Variants in ICE1 observed in about 807,000 individuals in gnomAD.
ICE1 encodes the protein interactor of little elongation complex ELL subunit 1.
A neutral mutation model predicts 192.7 loss-of-function variants in ICE1; 64 were observed. The ratio of observed to expected loss-of-function variants is 0.33; its 90% confidence interval spans 0.27 to 0.41. The LOEUF (loss-of-function observed/expected upper bound fraction) is 0.41. Among genes scored for constraint, ICE1 ranks in the 10% least tolerant of loss-of-function variants. The pLI is 1.00. For synonymous variants in ICE1, 1,010 were observed against 984.5 expected, an observed-to-expected ratio of 1.03 and a Z score of -0.49; for missense variants, 2,708 against 2,696.0, an observed-to-expected ratio of 1.00 and a Z score of -0.10.
Position 5,446,472 on chromosome 5 carries a change from G to A in ICE1, c.425-955G>A, listed in dbSNP as rs1738227270. On this transcript the variant is annotated intron_variant, in intron 7 of 18. Coordinates refer to ENST00000296564, the MANE Select transcript of ICE1 (RefSeq NM_015325.3). ...ACCCGACTAATTTCGACTAATTTTT[G>A]TAGAGACAGAGTTCCACTATGTTGC... Among the ~76,000 whole-genome samples, 3 of 149,598 alleles carry A rather than the reference G, an allele frequency of 2.0e-5. No homozygotes were observed. In the South Asian group the frequency reaches 6.4e-4, roughly 32 times the overall value.
At chr5:5,457,280 A>C in intron 11 of ICE1, 52 bp from the exon 12 acceptor site, 5 of 1,417,374 alleles carry the variant, frequency 3.5e-6, no homozygotes, top group Non-Finnish European at 4.7e-6. Context: ...TTTTTTTTTA[A>C]GTTTTCTTGA....
chr5:5,424,216 C>G (rs1048302357), intron 1 of ICE1, among the ~76,000 whole-genome samples: 2 of 152,122 alleles, frequency 1.3e-5, no homozygotes. Flanking sequence ...TGCCGAGAAA[C>G]TTGGTTTGCA....
intron 1 of ICE1, among the ~76,000 whole-genome samples, chr5:5,423,713 A>G (rs1372810081): frequency 6.6e-6 from 1 of 152,116 alleles, no homozygotes; most frequent in African/African-American, 2.4e-5. Flanking sequence ...CTCATTTCCC[A>G]CGACTCTCCT....
Position 5,460,701 on chromosome 5 carries a change from A to G in ICE1, c.1367A>G (p.His456Arg), listed in dbSNP as rs761745700. The G allele has an allele frequency of 4.3e-6, 7 of 1,613,732 alleles. No homozygotes were observed. The highest frequency in any genetic ancestry group is 1.1e-5 in the South Asian group (1 of 91,076). ...TATLRESSAT[H>R]SLVGEKHWTT... ...ACACTGAGAGAATCTTCTGCCACAC[A>G]CTCCTTAGTTGGTGAAAAACACTGG... The change falls in exon 13 of 19, where the codon CAC becomes CGC. Residue 456 changes from histidine (H) to arginine (R), a missense_variant. Around this residue, in one of 2 missense-constraint regions of ICE1, gnomAD observed 2,366 missense variants for 2,276.6 expected, o/e 1.04. Transcript: ENST00000296564.
chr5:5,422,989 C>T lies in ICE1; in HGVS notation c.74C>T (p.Ser25Phe), dbSNP rs879741432. Reference sequence around the variant, plus strand: ...CTGTCGCGATGTCAGGGCTGCGCCTCTCTGCAGCAGGTGCAGCACCTCCCG... The same window carrying T: ...CTGTCGCGATGTCAGGGCTGCGCCTTTCTGCAGCAGGTGCAGCACCTCCCG... The part of the protein sequence containing the change: ...ADLSRCQGCA[S>F]LQQNLNEYVE... The change falls in exon 1 of 19, where the codon TCT becomes TTT. Residue 25 changes from serine to phenylalanine, a missense_variant. Coordinates refer to ENST00000296564, the MANE Select transcript of ICE1 (RefSeq NM_015325.3). 4.1e-6 allele frequency: 6 copies of T among 1,446,392 alleles called. No individual in the cohort carries two copies. The highest frequency in any genetic ancestry group is 4.8e-5 in the Admixed American group (2 of 41,494). 89.6% of individuals were successfully genotyped at this position (1,446,392 alleles called of 1,614,324 possible).
intron 10 of ICE1, among the ~76,000 whole-genome samples, chr5:5,448,338 G>A (rs1303592381): frequency 6.6e-6 from 1 of 152,058 alleles, no homozygotes; most frequent in East Asian, 1.9e-4. Flanking sequence ...AAAAGTTTAG[G>A]GAAGGCCCAC....
intron 17 of ICE1, among the ~76,000 whole-genome samples, chr5:5,482,984 C>G (rs1561101446): frequency 4.0e-5 from 6 of 151,890 alleles, no homozygotes. Flanking sequence ...AAGGAATTGT[C>G]TTTATTCTTT....
At chr5:5,480,052 A>T (rs969291881) in intron 17 of ICE1, among the ~76,000 whole-genome samples, 1 of 152,160 alleles carries the variant, frequency 6.6e-6, no homozygotes, top group Non-Finnish European at 1.5e-5. Flanking sequence ...CCTATGTAAC[A>T]AACCTGTACG....
At chr5:5,468,535 A>G (rs1739059426) in intron 14 of ICE1, among the ~76,000 whole-genome samples, 1 of 152,278 alleles carries the variant, frequency 6.6e-6, no homozygotes, top group African/African-American at 2.4e-5. Flanking sequence ...AATGTAATGC[A>G]TAAAAACCTA....
At chr5:5,478,188 C>G (rs1739394846) in intron 17 of ICE1, among the ~76,000 whole-genome samples, 1 of 152,210 alleles carries the variant, frequency 6.6e-6, no homozygotes, top group South Asian at 2.1e-4. Context: ...TTGCAGATGA[C>G]ATGATTGTAT....
intron 15 of ICE1, 62 bp from the exon 16 acceptor site, chr5:5,473,496 C>G (rs1256753698): frequency 7.2e-7 from 1 of 1,392,956 alleles, no homozygotes; most frequent in Non-Finnish European, 9.8e-7. Context: ...TTTTAGATAA[C>G]TAAGGTAAGA....
intron 3 of ICE1, chr5:5,437,722 A>T (rs1361423593): frequency 6.6e-6 from 1 of 152,282 alleles, no homozygotes; most frequent in Non-Finnish European, 1.5e-5. Context: ...TAGCAGTGGG[A>T]AAAAGATGTG....
intron 4 of ICE1, among the ~76,000 whole-genome samples, chr5:5,440,563 C>T (rs1738013453): frequency 6.6e-6 from 1 of 152,078 alleles, no homozygotes; most frequent in Admixed American, 6.5e-5. Flanking sequence ...ATGGCTCATG[C>T]CCATAATCCC....
At chr5:5,450,650 A>G (rs891023501) in intron 10 of ICE1, among the ~76,000 whole-genome samples, 21 of 152,212 alleles carry the variant, frequency 1.4e-4, no homozygotes, top group Non-Finnish European at 2.8e-4. Flanking sequence ...CTAAAATCAA[A>G]TGAAACAGAC....
intron 12 of ICE1, among the ~76,000 whole-genome samples, chr5:5,459,476 G>A (rs1490902527): frequency 6.6e-6 from 1 of 152,208 alleles, no homozygotes; most frequent in African/African-American, 2.4e-5. Flanking sequence ...GAGTGCAGTG[G>A]AAGTCATGCA....
intron 10 of ICE1, 127 bp downstream of exon 10, chr5:5,448,024 T>A (rs1738292265): frequency 1.5e-6 from 1 of 653,852 alleles, no homozygotes; most frequent in Non-Finnish European, 2.6e-6. Flanking sequence ...TTAGTAGAAG[T>A]CATATATTAT....
At chr5:5,448,412 C>T (rs543404062) in intron 10 of ICE1, among the ~76,000 whole-genome samples, 42 of 152,196 alleles carry the variant, frequency 2.8e-4, no homozygotes, top group African/African-American at 7.0e-4. Context: ...ACACACACTG[C>T]GTTACTGAGC....
At chr5:5,447,340 A>G in intron 7 of ICE1, 87 bp from the exon 8 acceptor site, 1 of 808,252 alleles carries the variant, frequency 1.2e-6, no homozygotes, top group South Asian at 2.0e-5. Context: ...AAAACTTGTA[A>G]TAGATAAGAT....
chr5:5,455,559 GTTC>G (rs2111368039), intron 11 of ICE1, among the ~76,000 whole-genome samples: 1 of 152,210 alleles, frequency 6.6e-6, no homozygotes, highest in South Asian at 2.1e-4. Flanking sequence ...TAAAAGAGCT[GTTC>G]TTCATTTCAT....
Sources: gnomAD v4.1 joint callset for allele counts (sites outside exome capture counted in the v4.1 genomes callset) on GRCh38, gnomAD v4.1.1 for gene constraint, gnomAD v4.1.1 regional missense constraint, MANE v1.5 for transcripts, NCBI Gene and HGNC (gene_info 2026-07-23, HGNC 2026-07-21) for gene names.